C6orf52: variants seen among roughly 807,000 people sequenced by gnomAD.
The protein encoded by C6orf52 is putative uncharacterized protein C6orf52.
Under a neutral mutation model 16.6 loss-of-function variants are expected in C6orf52, and 16 were observed. The ratio of observed to expected loss-of-function variants is 0.96; its 90% CI spans 0.65 to 1.46. The LOEUF (loss-of-function observed/expected upper bound fraction) is 1.46. Ranked by LOEUF, C6orf52 falls within the 40% of genes most tolerant of loss-of-function variation. C6orf52 has a pLI of 0.00. For missense variants in C6orf52, 166 were observed against 182.3 expected, an observed-to-expected ratio of 0.91 and a Z score of 0.52; for synonymous variants, 53 against 61.4, an observed-to-expected ratio of 0.86 and a Z score of 0.64.
rs1225310456 is a variant in C6orf52 at position 10,687,085 on chromosome 6, G to C, written c.151C>G (p.His51Asp). The C allele has an allele frequency of 6.4e-7, 1 of 1,551,932 alleles. No individual in the cohort carries two copies. The highest frequency in any genetic ancestry group is 8.7e-7 in the Non-Finnish European group (1 of 1,146,954). ...TAGCCAGAAAGAAGGTAAGAGCCGT[G>C]CTGTCGCGCATACCAGTTGCCATAG... is the stretch of plus-strand genomic sequence containing the variant. ...YRYGNWYARQ[H>D]GSYLLSGYSY... The change falls in exon 3 of 5, where the codon CAC becomes GAC. Residue 51 changes from histidine (H) to aspartate (D), a missense_variant. Physicochemically the swap from His to Asp is moderately conservative, Grantham distance 81. Coordinates refer to ENST00000259983, the MANE Select transcript of C6orf52 (RefSeq NM_001145020.3).
intron 1 of C6orf52, among the ~76,000 whole-genome samples, chr6:10,691,347 C>T (rs1769282659): frequency 6.6e-6 from 1 of 152,100 alleles, no homozygotes; most frequent in Admixed American, 6.5e-5. Flanking sequence ...CTTTTAAGGG[C>T]TTACAACTCT....
At chr6:10,692,453 C>CT (rs56896858) in intron 1 of C6orf52, among the ~76,000 whole-genome samples, 152 of 151,488 alleles carry the variant, frequency 1.0e-3, no homozygotes, top group African/African-American at 3.3e-3. Flanking sequence ...GAAAGAATGA[C>CT]TTTTTTTTTG....
In C6orf52 at chr6:10,686,574, CTA is replaced by C. The variant is rs146135454; in HGVS notation, c.270+390_270+391del. Among the ~76,000 whole-genome samples the C allele has an allele frequency of 5.5e-3, 833 of 151,532 alleles. 10 individuals are homozygous for C. Among genetic ancestry groups the C allele is most frequent in the East Asian group, 0.036 (187 of 5,182 alleles). On this transcript the variant is annotated intron_variant, in intron 3 of 4. Coordinates refer to ENST00000259983, the MANE Select transcript of C6orf52 (RefSeq NM_001145020.3). ...ACAAACCCCAAAACTACCTTTTGTC[CTA>C]TATAGTGTTAAAGAGTAAAATTTAT...
At chr6:10,677,797 G>C (rs935143722) in intron 4 of C6orf52, among the ~76,000 whole-genome samples, 1 of 151,672 alleles carries the variant, frequency 6.6e-6, no homozygotes, top group Non-Finnish European at 1.5e-5. Context: ...GCCTCCCAAA[G>C]TGCCAGGATT....
At chr6:10,684,835 CCA>C (rs1768723693) in intron 3 of C6orf52, 2 of 1,288,238 alleles carry the variant, frequency 1.6e-6, no homozygotes, top group African/African-American at 3.0e-5. Flanking sequence ...AAGAGCGCCA[CCA>C]CAGAGGCTTA....
intron 1 of C6orf52, among the ~76,000 whole-genome samples, chr6:10,692,434 C>A (rs1007707447): frequency 1.3e-5 from 2 of 152,134 alleles, no homozygotes; most frequent in African/African-American, 4.8e-5. Flanking sequence ...ATAACTAGCA[C>A]AAAGTAAAGA....
chr6:10,681,707 T>C (rs1378153237), intron 4 of C6orf52, among the ~76,000 whole-genome samples: 1 of 152,202 alleles, frequency 6.6e-6, no homozygotes, highest in African/African-American at 2.4e-5. Flanking sequence ...TTAATTTGTC[T>C]GGAATTACAG....
chr6:10,687,185 A>T (rs763344175), intron 2 of C6orf52, 21 bp from the exon 3 acceptor site: 1 of 1,508,024 alleles, frequency 6.6e-7, no homozygotes, highest in East Asian at 2.5e-5. Flanking sequence ...GACAATCATC[A>T]CAACCAACGC....
chr6:10,688,479 G>A lies in C6orf52; in HGVS notation c.-11-918C>T, dbSNP rs533501439. The stretch of plus-strand genomic sequence containing the variant: ...TGTATTTACTATTTACCTGTAATGC[G>A]AAAAATAGCAAACATGATGAATTCA... On this transcript the variant is annotated intron_variant, in intron 1 of 4. Coordinates refer to ENST00000259983, the MANE Select transcript of C6orf52 (RefSeq NM_001145020.3). 5.9e-5 allele frequency among the ~76,000 whole-genome samples: 9 copies of A among 152,264 alleles called. No homozygotes were observed. The South Asian group carries it at 1.2e-3, about 21-fold the overall frequency.
chr6:10,677,659 G>A (rs1370034493), intron 4 of C6orf52, among the ~76,000 whole-genome samples: 1 of 151,570 alleles, frequency 6.6e-6, no homozygotes, highest in Non-Finnish European at 1.5e-5. Flanking sequence ...AGCCTCCCGA[G>A]TAGCTGGGAC....
At chr6:10,679,982 G>C (rs1411742492) in intron 4 of C6orf52, among the ~76,000 whole-genome samples, 2 of 152,242 alleles carry the variant, frequency 1.3e-5, no homozygotes, top group Non-Finnish European at 2.9e-5. Context: ...ACCAAGCGCA[G>C]TTGCTCATGC....
At chr6:10,692,471 C>T (rs1478526339) in intron 1 of C6orf52, among the ~76,000 whole-genome samples, 14 of 152,140 alleles carry the variant, frequency 9.2e-5, no homozygotes, top group Admixed American at 7.9e-4. Flanking sequence ...TTGAGACAGT[C>T]TCACTCTTGC....
intron 4 of C6orf52, among the ~76,000 whole-genome samples, chr6:10,681,696 A>C (rs1768415997): frequency 6.6e-6 from 1 of 152,228 alleles, no homozygotes; most frequent in Non-Finnish European, 1.5e-5. Context: ...CACACTAGAG[A>C]TTAATTTGTC....
Position 10,694,602 on chromosome 6 carries a change from AACCGGCC to A in C6orf52, c.-127_-121del. 7 of 196,502 alleles carry A rather than the reference AACCGGCC, an allele frequency of 3.6e-5. No individual in the cohort carries two copies. The highest frequency in any genetic ancestry group is 1.4e-4 in the South Asian group (2 of 13,818). 12.2% of individuals were successfully genotyped at this position (196,502 alleles called of 1,614,324 possible). A position where few individuals can be genotyped will look rare whatever the true frequency, so the allele number is the denominator to read the frequency against. On this transcript the variant is annotated 5_prime_UTR_variant, in exon 1 of 5. Transcript: ENST00000259983. ...GCTGCCGGCGCTACAGCCCCTAAGC[AACCGGCC>A]GGAAGTCGGCCCCACCTCCTCCTGA... is the stretch of plus-strand genomic sequence containing the variant.
intron 1 of C6orf52, 116 bp from the exon 2 acceptor site, chr6:10,687,677 AT>A (rs1282280566): frequency 2.5e-5 from 17 of 680,870 alleles, no homozygotes; most frequent in Non-Finnish European, 4.4e-5. Flanking sequence ...AGATAATTAC[AT>A]TTAGTGGCAA....
intron 3 of C6orf52, among the ~76,000 whole-genome samples, chr6:10,686,428 G>T (rs1233533150): frequency 3.3e-5 from 5 of 152,142 alleles, no homozygotes; most frequent in Non-Finnish European, 7.4e-5. Flanking sequence ...AGGGGTGTGT[G>T]TGGGGGGGAA....
At chr6:10,687,342 T>C (rs868034668) in intron 2 of C6orf52, 138 bp downstream of exon 2, 19 of 784,004 alleles carry the variant, frequency 2.4e-5, no homozygotes, top group Non-Finnish European at 3.8e-5. Context: ...TGTATACCTA[T>C]GTAAAAAACC....
intron 2 of C6orf52, 148 bp from the exon 3 acceptor site, chr6:10,687,312 C>G (rs1249265108): frequency 6.4e-6 from 5 of 778,544 alleles, no homozygotes; most frequent in Non-Finnish European, 1.0e-5. Flanking sequence ...TTGATGGGTG[C>G]AGCAAACCAC....
At chr6:10,686,173 T>C (rs1009415024) in intron 3 of C6orf52, among the ~76,000 whole-genome samples, 5 of 152,144 alleles carry the variant, frequency 3.3e-5, no homozygotes, top group African/African-American at 1.2e-4. Flanking sequence ...TGGGACTACA[T>C]GTGTGAGCCA....
Sources: gnomAD v4.1 joint callset for allele counts (sites outside exome capture counted in the v4.1 genomes callset) on GRCh38, gnomAD v4.1.1 for gene constraint, MANE v1.5 for transcripts, NCBI Gene and HGNC (gene_info 2026-07-23, HGNC 2026-07-21) for gene names.